The following GGTA1 variants were observed in gnomAD, a reference collection of about 807,000 sequenced individuals.
GGTA1 encodes the protein glycoprotein alpha-galactosyltransferase 1 (inactive).
A neutral mutation model predicts 2.6 loss-of-function variants in GGTA1; 5 were observed. The observed-to-expected ratio is 1.92, with a 90% CI of 1.00 to 4.04. The LOEUF (loss-of-function observed/expected upper bound fraction) is 4.04, where lower values mean the gene tolerates loss of function less well. Ranked by LOEUF, GGTA1 falls within the 30% of genes most tolerant of loss-of-function variation. The pLI is 0.00. For synonymous variants in GGTA1, 17 were observed against 5.0 expected (o/e 3.38, Z -3.19); for missense variants, 50 against 16.7 (o/e 2.99, Z -3.47).
intron 1 of GGTA1, among the ~76,000 whole-genome samples, chr9:121,498,798 C>G (rs1387322090): frequency 6.6e-6 from 1 of 152,220 alleles, no homozygotes; most frequent in Non-Finnish European, 1.5e-5. Context: ...CCTCCCAGTC[C>G]CTCCCGGCCG....
At chr9:121,463,493 T>C (rs986346215) in intron 2 of GGTA1, among the ~76,000 whole-genome samples, 165 bp from the exon 3 acceptor site, 1 of 152,138 alleles carries the variant, frequency 6.6e-6, no homozygotes, top group Non-Finnish European at 1.5e-5. Flanking sequence ...ATCAGGAGGA[T>C]GGAAATTTCC....
At chr9:121,446,802 G>A (rs764781108) in exon 8 of GGTA1, 1 of 152,132 alleles carries the variant, frequency 6.6e-6, no homozygotes, top group Non-Finnish European at 1.5e-5. Context: ...CCCTGTTGGT[G>A]TTTCATTAGT....
At chr9:121,471,042 AG>A (rs1828377373) in intron 1 of GGTA1, among the ~76,000 whole-genome samples, 1 of 152,240 alleles carries the variant, frequency 6.6e-6, no homozygotes, top group Non-Finnish European at 1.5e-5. Flanking sequence ...AGAGAGGAAA[AG>A]GAAAGAAGCC....
At chr9:121,487,731 T>A (rs2118757335) in intron 1 of GGTA1, among the ~76,000 whole-genome samples, 1 of 152,296 alleles carries the variant, frequency 6.6e-6, no homozygotes, top group East Asian at 1.9e-4. Context: ...TTTTTCTTTT[T>A]TTGAGGTGGA....
intron 1 of GGTA1, among the ~76,000 whole-genome samples, chr9:121,497,615 G>A (rs952752798): frequency 2.4e-4 from 37 of 152,062 alleles, no homozygotes; most frequent in Non-Finnish European, 1.2e-4. Flanking sequence ...AGGCAGGGAC[G>A]GGCGCAGAAT....
At chr9:121,470,263 A>C (rs938921376) in intron 1 of GGTA1, among the ~76,000 whole-genome samples, 2 of 152,262 alleles carry the variant, frequency 1.3e-5, no homozygotes, top group Non-Finnish European at 1.5e-5. Flanking sequence ...GAGAATTGAT[A>C]GGATTTGGCT....
intron 1 of GGTA1, among the ~76,000 whole-genome samples, chr9:121,494,097 A>C (rs1000226007): frequency 6.6e-6 from 1 of 151,994 alleles, no homozygotes; most frequent in Admixed American, 6.6e-5. Flanking sequence ...TCCATCTCAG[A>C]CCACTCACTC....
chr9:121,454,137 T>C (rs2064893246), downstream of GGTA1, among the ~76,000 whole-genome samples: 1 of 152,146 alleles, frequency 6.6e-6, no homozygotes, highest in African/African-American at 2.4e-5. Context: ...GTCTGGAGTC[T>C]CAAACTCTAA....
chr9:121,477,726 C>T (rs1166037390), intron 1 of GGTA1, among the ~76,000 whole-genome samples: 1 of 152,010 alleles, frequency 6.6e-6, no homozygotes, highest in Non-Finnish European at 1.5e-5. Flanking sequence ...CAGGCACCCG[C>T]CACCACGCCC....
At chr9:121,452,794 C>T (rs1430874417), downstream of GGTA1, among the ~76,000 whole-genome samples, 1 of 152,234 alleles carries the variant, frequency 6.6e-6, no homozygotes, top group East Asian at 1.9e-4. Context: ...GCCAGGATTA[C>T]AGGCGTGAGC....
Position 121,455,798 on chromosome 9 carries a change from G to A in GGTA1, c.*39C>T, listed in dbSNP as rs1347377604. Reference sequence around the variant, plus strand: ...AGTCCAGGTCTTCTAGAAGGACTGAGTCAGAAAACCAGAGTCCAGTTTAGT... The same window carrying A: ...AGTCCAGGTCTTCTAGAAGGACTGAATCAGAAAACCAGAGTCCAGTTTAGT... On this transcript the variant is annotated 3_prime_UTR_variant, in exon 6 of 6. Transcript: ENST00000481799. 2.2e-6 allele frequency: 1 copy of A among 453,836 alleles called. No homozygotes were observed. Among genetic ancestry groups the A allele is most frequent in the African/African-American group, 2.0e-5 (1 of 50,006 alleles). 28.1% of individuals were successfully genotyped at this position (453,836 alleles called of 1,614,324 possible). A position where few individuals can be genotyped will look rare whatever the true frequency, so the allele number is the denominator to read the frequency against.
chr9:121,480,698 C>T (rs1828624930), intron 1 of GGTA1, among the ~76,000 whole-genome samples: 1 of 152,200 alleles, frequency 6.6e-6, no homozygotes, highest in Admixed American at 6.5e-5. Context: ...TATTTGGCCA[C>T]AACCTTTAGG....
intron 1 of GGTA1, among the ~76,000 whole-genome samples, chr9:121,473,364 C>T (rs1391311799): frequency 6.7e-6 from 1 of 150,206 alleles, no homozygotes. Context: ...GCCGTCCGAA[C>T]GAGCCAATTT....
chr9:121,445,822 A>C (rs2064849737), exon 8 of GGTA1: 2 of 152,328 alleles, frequency 1.3e-5, no homozygotes, highest in South Asian at 4.1e-4. Context: ...CCTTGATGTC[A>C]GTCCTCCAAG....
At chr9:121,470,118 C>A (rs1018773111) in intron 1 of GGTA1, among the ~76,000 whole-genome samples, 1 of 152,156 alleles carries the variant, frequency 6.6e-6, no homozygotes, top group African/African-American at 2.4e-5. Context: ...TTGTTTTTTC[C>A]TGAGCTTTTC....
intron 1 of GGTA1, among the ~76,000 whole-genome samples, chr9:121,488,950 A>G (rs1320632548): frequency 2.6e-5 from 4 of 152,102 alleles, no homozygotes; most frequent in Non-Finnish European, 5.9e-5. Context: ...TGAAAGTGAT[A>G]AGGAGGGGTA....
At chr9:121,448,380 T>C (rs1400420253) in intron 7 of GGTA1, among the ~76,000 whole-genome samples, 1 of 152,184 alleles carries the variant, frequency 6.6e-6, no homozygotes, top group East Asian at 1.9e-4. Context: ...GAGAATGAGT[T>C]ATGAGATCTA....
At chr9:121,480,069 T>C (rs909535054) in intron 1 of GGTA1, among the ~76,000 whole-genome samples, 5 of 151,332 alleles carry the variant, frequency 3.3e-5, no homozygotes, top group African/African-American at 1.2e-4. Flanking sequence ...TTCTTTTTTT[T>C]TTTTGAGATG....
At chr9:121,448,738 A>G (rs1385576271) in intron 7 of GGTA1, among the ~76,000 whole-genome samples, 3 of 152,194 alleles carry the variant, frequency 2.0e-5, no homozygotes, top group African/African-American at 7.2e-5. Flanking sequence ...CCACATTTGC[A>G]CAGCCCCACC....
Sources: gnomAD v4.1 joint callset for allele counts (sites outside exome capture counted in the v4.1 genomes callset) on GRCh38, gnomAD v4.1.1 for gene constraint, MANE v1.5 for transcripts, NCBI Gene and HGNC (gene_info 2026-07-23, HGNC 2026-07-21) for gene names.